The following DENND3 variants were observed in gnomAD, a reference collection of about 807,000 sequenced individuals.
The protein encoded by DENND3 is DENN domain containing 3, also known as DENN domain-containing protein 3.
A neutral mutation model predicts 135.1 loss-of-function variants in DENND3; 88 were observed. The observed-to-expected ratio is 0.65, with a 90% CI of 0.55 to 0.78. The LOEUF (loss-of-function observed/expected upper bound fraction) is 0.78. Ranked by LOEUF, DENND3 falls within the 30% of genes least tolerant of loss-of-function variation. The pLI is 0.00. For missense variants in DENND3, 1,392 were observed against 1,688.4 expected, an observed-to-expected ratio of 0.82 and a Z score of 3.08; for synonymous variants, 693 against 712.3, an observed-to-expected ratio of 0.97 and a Z score of 0.43.
At position 141,155,884 on chromosome 8, in the gene DENND3, TG is replaced by T; in HGVS notation, c.1113del (p.Ser372AlafsTer49). The T allele has an allele frequency of 6.2e-7, 1 of 1,612,684 alleles. No individual in the cohort carries two copies. Among genetic ancestry groups the T allele is most frequent in the South Asian group, 1.1e-5 (1 of 90,830 alleles). The part of the protein sequence containing the change: ...DGLVLINIDH[G>X]SITYSKSTDD... ...GTTTAGTTCTGATAAATATTGATCATGGGAGCATCACCTACTCCAAGTCCAC... is the reference window on the plus strand; with the variant it reads ...GTTTAGTTCTGATAAATATTGATCATGGAGCATCACCTACTCCAAGTCCAC... On this transcript the variant is annotated frameshift_variant, in exon 8 of 23. Transcript: ENST00000519811. LOFTEE classifies it high-confidence loss of function.
rs1816966069 is a variant in DENND3 at position 141,137,932 on chromosome 8, G to A, written c.386-90G>A. 1 of 1,311,222 alleles carries A rather than the reference G, an allele frequency of 7.6e-7. No individual in the cohort carries two copies. The allele number at this position is 1,311,222 out of a possible 1,614,324, so 81.2% of individuals were successfully genotyped here. ...CACCACCACTGCTAACTGTGGAGGT[G>A]TGTCCTAAACACTGTGAAGAAATCA... On this transcript the variant is annotated intron_variant, in intron 2 of 22. Coordinates refer to ENST00000519811, the MANE Select transcript of DENND3 (RefSeq NM_001352890.3). The surrounding 1 kb of genome is among the most constrained non-coding windows in gnomAD (Gnocchi z 4.1).
At position 141,136,371 on chromosome 8, in the gene DENND3, T is replaced by C. The variant is rs529054912; in HGVS notation, c.103-138T>C. Reference sequence around the variant, plus strand: ...TAAAAGAAGCTTCCCAGGAGCCCTTTACTGTTAGGAGCCTGAGGCGCCAGT... The same window carrying C: ...TAAAAGAAGCTTCCCAGGAGCCCTTCACTGTTAGGAGCCTGAGGCGCCAGT... On this transcript the variant is annotated intron_variant, in intron 1 of 22. Transcript: ENST00000519811. 250 of 907,592 alleles carry C rather than the reference T, an allele frequency of 2.8e-4. 2 individuals are homozygous for C. The South Asian group carries it at 4.2e-3, about 15-fold the overall frequency. 56.2% of individuals were successfully genotyped at this position (907,592 alleles called of 1,614,324 possible).
At chr8:141,169,289 G>C (rs928273235) in intron 13 of DENND3, among the ~76,000 whole-genome samples, 1 of 152,276 alleles carries the variant, frequency 6.6e-6, no homozygotes, top group African/African-American at 2.4e-5. Context: ...ACCTGGGAAC[G>C]GGTGTGGTTG....
intron 8 of DENND3, chr8:141,157,260 C>T: frequency 1.0e-6 from 1 of 978,794 alleles, no homozygotes; most frequent in Non-Finnish European, 1.2e-6. Flanking sequence ...GGACTTTGGT[C>T]AGGGGAGGGT....
intron 1 of DENND3, 68 bp from the exon 2 acceptor site, chr8:141,136,441 A>G: frequency 7.0e-6 from 10 of 1,438,080 alleles, no homozygotes; most frequent in Non-Finnish European, 9.2e-6. Flanking sequence ...AGTGAAGCTC[A>G]GACAGAAAGG....
In DENND3 at chr8:141,174,780, G is replaced by C. The variant is rs1458540672; in HGVS notation, c.2276-420G>C. 1.3e-5 allele frequency among the ~76,000 whole-genome samples: 2 copies of C among 152,248 alleles called. No individual in the cohort carries two copies. Among genetic ancestry groups the C allele is most frequent in the Non-Finnish European group, 2.9e-5 (2 of 68,036 alleles). On this transcript the variant is annotated intron_variant, in intron 13 of 22. Transcript: ENST00000519811. This position sits in a 1 kb window ranked among gnomAD's most constrained non-coding sequence, Gnocchi z 4.6. ...TAAGGATCCAACCTTCCCGGCGTTA[G>C]CTTCATCCTAGGACTAGCTCCCCTT... is the stretch of plus-strand genomic sequence containing the variant.
In DENND3 at chr8:141,131,158, GT is replaced by G. The variant is rs1010160206; in HGVS notation, c.102+2356del. Among the ~76,000 whole-genome samples the G allele has an allele frequency of 3.1e-4, 47 of 152,092 alleles. No homozygotes were observed. The South Asian group carries it at 4.8e-3, about 15-fold the overall frequency. ...TTTCCTAGAAGGGGGAGTAGTGTTT[GT>G]TTTTTTAGGAATGGTGACCGAGACT... is the stretch of plus-strand genomic sequence containing the variant. On this transcript the variant is annotated intron_variant, in intron 1 of 22. Coordinates refer to ENST00000519811, the MANE Select transcript of DENND3 (RefSeq NM_001352890.3).
Position 141,144,140 on chromosome 8 carries a change from A to C in DENND3, c.624-8A>C, listed in dbSNP as rs1381645928. 1 of 1,601,938 alleles carries C rather than the reference A, an allele frequency of 6.2e-7. No homozygotes were observed. The highest frequency in any genetic ancestry group is 8.5e-7 in the Non-Finnish European group (1 of 1,176,436). ...TTTGCGGTTTGAGTTTTGTGTTTCG[A>C]ATTTCAGTTTATTGGCTCTTCTGAA... On this transcript the variant is annotated splice_region_variant and splice_polypyrimidine_tract_variant and intron_variant, in intron 4 of 22. Coordinates refer to ENST00000519811, the MANE Select transcript of DENND3 (RefSeq NM_001352890.3). The surrounding 1 kb of genome is among the most constrained non-coding windows in gnomAD (Gnocchi z 4.4).
intron 10 of DENND3, 77 bp downstream of exon 10, chr8:141,163,506 A>G (rs1468353152): frequency 4.1e-5 from 43 of 1,047,022 alleles, no homozygotes; most frequent in Non-Finnish European, 6.2e-5. Flanking sequence ...ACTTTTCAAA[A>G]TAAGTGTTCT....
In DENND3 at chr8:141,166,053, T is replaced by G. The variant is rs562315047; in HGVS notation, c.1554-137T>G. The G allele has an allele frequency of 5.6e-6, 5 of 899,976 alleles. No individual in the cohort carries two copies. In the East Asian group the frequency reaches 9.7e-5, roughly 17 times the overall value. 55.7% of individuals were successfully genotyped at this position (899,976 alleles called of 1,614,324 possible). The stretch of plus-strand genomic sequence containing the variant: ...CACTTGGTGAGATTTGGGCAACATG[T>G]TCTTACCAGTCTGTTTTCCACTGGT... On this transcript the variant is annotated intron_variant, in intron 11 of 22. Transcript: ENST00000519811. This position sits in a 1 kb window ranked among gnomAD's most constrained non-coding sequence, Gnocchi z 4.3.
At chr8:141,143,945 C>A (rs1463290143) in intron 4 of DENND3, 4 of 505,636 alleles carry the variant, frequency 7.9e-6, no homozygotes, top group Non-Finnish European at 1.4e-5. Flanking sequence ...ATATACCTCC[C>A]TTTGTGCCAC....
chr8:141,143,998 C>G (rs1817758329), intron 4 of DENND3, 150 bp from the exon 5 acceptor site: 1 of 625,338 alleles, frequency 1.6e-6, no homozygotes, highest in Non-Finnish European at 2.7e-6. Flanking sequence ...CTGCTGTCAC[C>G]CAGCAGCTTG....
intron 22 of DENND3, 69 bp from the exon 23 acceptor site, chr8:141,193,964 C>G: frequency 6.5e-7 from 1 of 1,534,764 alleles, no homozygotes; most frequent in Non-Finnish European, 8.9e-7. Context: ...TCTGGGTAGC[C>G]GGGCAAAGCC....
rs1415983474 is a variant in DENND3, at chr8:141,192,517, G to A, written c.3499-9G>A. The A allele has an allele frequency of 6.2e-7, 1 of 1,601,950 alleles. No homozygotes were observed. The highest frequency in any genetic ancestry group is 1.7e-5 in the Admixed American group (1 of 58,682). The stretch of plus-strand genomic sequence containing the variant: ...GGGCCCATAGCCCACACCGTGCCCT[G>A]CGTTTCAGGAGGAGCAGCTGTGGGC... On this transcript the variant is annotated splice_polypyrimidine_tract_variant and intron_variant, in intron 21 of 22. Coordinates refer to ENST00000519811, the MANE Select transcript of DENND3 (RefSeq NM_001352890.3).
At position 141,150,826 on chromosome 8, in the gene DENND3, T is replaced by C. The variant is rs1165392088; in HGVS notation, c.736-8T>C. The C allele has an allele frequency of 1.9e-6, 3 of 1,587,992 alleles. No homozygotes were observed. The highest frequency in any genetic ancestry group is 2.6e-6 in the Non-Finnish European group (3 of 1,170,048). On this transcript the variant is annotated splice_polypyrimidine_tract_variant and splice_region_variant and intron_variant, in intron 5 of 22. Transcript: ENST00000519811. ...CTCTGAACTAATGACGGGAACTGGT[T>C]GTCGTAGGTATTTAACATGAAGTCG...
intron 18 of DENND3, among the ~76,000 whole-genome samples, chr8:141,187,726 TC>T (rs1019458239): frequency 8.6e-5 from 13 of 151,356 alleles, no homozygotes; most frequent in African/African-American, 2.9e-4. Flanking sequence ...CTAAATCATT[TC>T]CCCCCATATT....
intron 7 of DENND3, among the ~76,000 whole-genome samples, chr8:141,155,502 C>T (rs1819329157): frequency 6.6e-6 from 1 of 152,020 alleles, no homozygotes; most frequent in African/African-American, 2.4e-5. Flanking sequence ...CTCCTGGGCT[C>T]AAGGGATCCT....
chr8:141,168,921 C>T lies in DENND3; in HGVS notation c.2275+396C>T, dbSNP rs549938283. ...TCTCCCAGGTTGGAGTACAATGGCA[C>T]GATCTTGGCTCACTGCAACCTCTGC... On this transcript the variant is annotated intron_variant, in intron 13 of 22. Transcript: ENST00000519811. This position sits in a 1 kb window ranked among gnomAD's most constrained non-coding sequence, Gnocchi z 6.2. Among the ~76,000 whole-genome samples, 2 of 152,162 alleles carry T rather than the reference C, an allele frequency of 1.3e-5. No individual in the cohort carries two copies. The highest frequency in any genetic ancestry group is 2.9e-5 in the Non-Finnish European group (2 of 68,034).
rs766781647 is a variant in DENND3, at chr8:141,174,530, C to G, written c.2276-670C>G. 6.6e-6 allele frequency among the ~76,000 whole-genome samples: 1 copy of G among 152,132 alleles called. No individual in the cohort carries two copies. The highest frequency in any genetic ancestry group is 2.4e-5 in the African/African-American group (1 of 41,412). On this transcript the variant is annotated intron_variant, in intron 13 of 22. Transcript: ENST00000519811. This position sits in a 1 kb window ranked among gnomAD's most constrained non-coding sequence, Gnocchi z 4.6. Reference sequence around the variant, plus strand: ...CTGACAGATAAGCAGGTTCGTTCCGCGACTTGCCAGGAGTCTCTGTGAAAG... The same window carrying G: ...CTGACAGATAAGCAGGTTCGTTCCGGGACTTGCCAGGAGTCTCTGTGAAAG...
Sources: gnomAD v4.1 joint callset for allele counts (sites outside exome capture counted in the v4.1 genomes callset) on GRCh38, gnomAD v4.1.1 for gene constraint, Gnocchi (gnomAD v3.1) non-coding constraint, MANE v1.5 for transcripts, NCBI Gene and HGNC (gene_info 2026-07-23, HGNC 2026-07-21) for gene names.